AMOT: variants seen among roughly 807,000 people sequenced by gnomAD.
AMOT encodes angiomotin.
AMOT carries 11 observed loss-of-function variants against 67.0 expected under a neutral mutation model. That is an observed-to-expected ratio of 0.16 (90% CI 0.10 to 0.27). The LOEUF (loss-of-function observed/expected upper bound fraction) is 0.27. AMOT is among the 10% of genes least tolerant of loss of function. AMOT has a pLI of 1.00. For synonymous variants in AMOT, 326 were observed against 321.4 expected (o/e 1.01, Z -0.15); for missense variants, 753 against 852.0 (o/e 0.88, Z 1.45).
At chrX:112,819,219 T>C (rs1207987396) in intron 4 of AMOT, 2 of 305,490 alleles carry the variant, frequency 6.5e-6, no homozygotes, top group East Asian at 4.5e-4. Flanking sequence ...CACATGTGCA[T>C]GCACACACAC....
intron 12 of AMOT, chrX:112,780,538 C>T (rs1933116397): frequency 7.4e-6 from 2 of 269,025 alleles, no homozygotes; most frequent in Non-Finnish European, 1.3e-5. Flanking sequence ...TGGAACGACA[C>T]AAAGGCCACA....
intron 10 of AMOT, among the ~76,000 whole-genome samples, chrX:112,784,427 G>A (rs1322358882): frequency 8.9e-6 from 1 of 112,311 alleles, no homozygotes; most frequent in Admixed American, 9.4e-5. Flanking sequence ...AACAGTGTCA[G>A]GCATGGTCAA....
rs764891530 is a variant in AMOT, at chrX:112,811,353, T to C, written c.1433A>G (p.Asn478Ser). 4.1e-6 allele frequency: 5 copies of C among 1,208,783 alleles called. No homozygotes were observed. The South Asian group carries it at 8.9e-5, about 21-fold the overall frequency. Reference protein sequence around the residue: ...EIQRVSEAYENLVKSSSKREA... With the variant: ...EIQRVSEAYESLVKSSSKREA... ...TCTTTTGGAGGATGACTTCACGAGG[T>C]TCTCATATGCCTCCGAGACGCGCTG... is the stretch of plus-strand genomic sequence containing the variant. The change falls in exon 6 of 14, where the codon AAC becomes AGC. Residue 478 changes from asparagine (N) to serine (S), a missense_variant. By Grantham distance (46) the Asn-to-Ser change is conservative. Around this residue, in one of 5 missense-constraint regions of AMOT, gnomAD observed 297 missense variants for 284.3 expected, o/e 1.04. Coordinates refer to ENST00000371959, the MANE Select transcript of AMOT (RefSeq NM_001113490.2).
At chrX:112,798,063 T>C (rs1933895722) in intron 8 of AMOT, among the ~76,000 whole-genome samples, 1 of 111,806 alleles carries the variant, frequency 8.9e-6, no homozygotes, top group Admixed American at 9.5e-5. Flanking sequence ...CTCAAACTAC[T>C]TGATGCTTTT....
intron 5 of AMOT, among the ~76,000 whole-genome samples, chrX:112,815,145 T>A (rs978348403): frequency 8.9e-6 from 1 of 111,801 alleles, no homozygotes; most frequent in African/African-American, 3.3e-5. Flanking sequence ...AATTTTTTTC[T>A]CCTTGTGTAA....
At chrX:112,784,283 A>G (rs1933296189) in intron 10 of AMOT, among the ~76,000 whole-genome samples, 1 of 112,286 alleles carries the variant, frequency 8.9e-6, no homozygotes. Flanking sequence ...CAGCTTCTCC[A>G]AGTACACTCT....
chrX:112,813,426 T>A (rs757838391), intron 5 of AMOT, among the ~76,000 whole-genome samples: 2 of 111,641 alleles, frequency 1.8e-5, no homozygotes, highest in East Asian at 5.6e-4. Context: ...CAGCACTACC[T>A]GGGATCTACC....
At chrX:112,790,075 A>T (rs953440119) in intron 10 of AMOT, among the ~76,000 whole-genome samples, 7 of 103,831 alleles carry the variant, frequency 6.7e-5, no homozygotes, top group African/African-American at 2.5e-4. Flanking sequence ...CGATGAGGTT[A>T]TGCACATAGA....
At chrX:112,812,799 A>G (rs753800354) in intron 5 of AMOT, among the ~76,000 whole-genome samples, 1 of 112,235 alleles carries the variant, frequency 8.9e-6, no homozygotes, top group East Asian at 2.8e-4. Flanking sequence ...GGGGAAAGGT[A>G]AGGTTGCCAA....
chrX:112,838,595 G>C (rs974822291), intron 1 of AMOT, among the ~76,000 whole-genome samples: 9 of 112,641 alleles, frequency 8.0e-5, no homozygotes, highest in African/African-American at 2.9e-4. Flanking sequence ...TTGGGAATTA[G>C]TCTAATAAAT....
At chrX:112,787,960 C>T (rs1157510841) in intron 10 of AMOT, among the ~76,000 whole-genome samples, 2 of 111,559 alleles carry the variant, frequency 1.8e-5, no homozygotes, top group Non-Finnish European at 3.8e-5. Flanking sequence ...TACACTTGAG[C>T]ACTTTCCAAT....
intron 1 of AMOT, among the ~76,000 whole-genome samples, chrX:112,832,614 G>A (rs970087943): frequency 5.4e-5 from 6 of 111,943 alleles, no homozygotes; most frequent in Non-Finnish European, 1.1e-4. Context: ...AATTCATTAG[G>A]AAAGCAAACT....
chrX:112,810,378 C>T (rs2147808385), intron 6 of AMOT, among the ~76,000 whole-genome samples: 1 of 111,940 alleles, frequency 8.9e-6, no homozygotes, highest in South Asian at 3.8e-4. Context: ...ATTTGGGCCC[C>T]CTGACTTTAA....
intron 1 of AMOT, among the ~76,000 whole-genome samples, chrX:112,839,508 C>CG (rs1569409715): frequency 9.0e-6 from 1 of 111,601 alleles, no homozygotes; most frequent in East Asian, 2.8e-4. Context: ...CTCTTCATGG[C>CG]GGGGAGGGAG....
intron 10 of AMOT, among the ~76,000 whole-genome samples, chrX:112,789,803 G>A (rs964914497): frequency 9.1e-6 from 1 of 109,329 alleles, no homozygotes; most frequent in African/African-American, 3.3e-5. Flanking sequence ...CTCTGTTATC[G>A]CCACAACCCA....
chrX:112,789,086 T>C (rs1163114816), intron 10 of AMOT, among the ~76,000 whole-genome samples: 1 of 111,818 alleles, frequency 8.9e-6, no homozygotes, highest in Non-Finnish European at 1.9e-5. Flanking sequence ...TCTAGTATTT[T>C]CTCACACTGC....
At chrX:112,812,131 C>G (rs768915752) in intron 5 of AMOT, among the ~76,000 whole-genome samples, 9 of 111,647 alleles carry the variant, frequency 8.1e-5, no homozygotes, top group Non-Finnish European at 1.5e-4. Flanking sequence ...GAAGTTATTC[C>G]TGGTTGGGGA....
intron 10 of AMOT, among the ~76,000 whole-genome samples, chrX:112,787,700 T>C (rs1333092989): frequency 9.0e-6 from 1 of 111,462 alleles, no homozygotes; most frequent in African/African-American, 3.3e-5. Flanking sequence ...CCAACTACCA[T>C]TGATACCATC....
At position 112,815,595 on chromosome X, in the gene AMOT, G is replaced by C. The variant is rs948450232; in HGVS notation, c.1155C>G (p.His385Gln). The change falls in exon 5 of 14, where the codon CAC becomes CAG. Residue 385 changes from histidine to glutamine, a missense_variant. By Grantham distance (24) the His-to-Gln change is conservative (BLOSUM62 0). Coordinates refer to ENST00000371959, the MANE Select transcript of AMOT (RefSeq NM_001113490.2). ...SQQQQQQQQQ[H>Q]HHHHHHQQQQ... is the part of the protein sequence containing the mutation. ...GTTGTTGGTGGTGATGGTGATGATG[G>C]TGCTGCTGCTGCTGTTGCTGCTGCT... 1.5e-5 allele frequency: 18 copies of C among 1,208,882 alleles called. No individual in the cohort carries two copies. The highest frequency in any genetic ancestry group is 1.8e-5 in the Non-Finnish European group (16 of 893,814).
Sources: allele counts gnomAD v4.1 joint callset (sites outside exome capture counted in the v4.1 genomes callset), GRCh38; gene constraint gnomAD v4.1.1; regional missense constraint gnomAD v4.1.1; transcripts MANE v1.5; gene names NCBI Gene and HGNC (gene_info 2026-07-23, HGNC 2026-07-21).